The following PHLPP1 variants were observed in gnomAD, a reference collection of about 807,000 sequenced individuals.
PHLPP1 encodes PH domain leucine-rich repeat-containing protein phosphatase 1.
A neutral mutation model predicts 117.2 loss-of-function variants in PHLPP1; 42 were observed. That is an observed-to-expected ratio of 0.36 (90% CI 0.28 to 0.46). PHLPP1 has a LOEUF of 0.46. PHLPP1 is among the 20% of genes least tolerant of loss of function. The pLI is 1.00. For synonymous variants in PHLPP1, 1,042 were observed against 970.7 expected (o/e 1.07, Z -1.37); for missense variants, 2,084 against 2,241.9 (o/e 0.93, Z 1.42).
intron 3 of PHLPP1, among the ~76,000 whole-genome samples, chr18:62,840,608 C>T (rs919944527): frequency 6.6e-6 from 1 of 152,180 alleles, no homozygotes; most frequent in Non-Finnish European, 1.5e-5. Flanking sequence ...ATTGCCTACG[C>T]TCTGCTTTGT....
intron 10 of PHLPP1, among the ~76,000 whole-genome samples, chr18:62,933,093 A>G (rs558999990): frequency 6.6e-6 from 1 of 152,328 alleles, no homozygotes; most frequent in South Asian, 2.1e-4. Context: ...ACTATAAGAC[A>G]CTGATGAAAG....
chr18:62,875,942 A>G (rs1200174231), intron 4 of PHLPP1, among the ~76,000 whole-genome samples: 3 of 152,062 alleles, frequency 2.0e-5, no homozygotes, highest in Non-Finnish European at 4.4e-5. Context: ...CATGTTGGCC[A>G]GGCTGGTCTC....
intron 3 of PHLPP1, among the ~76,000 whole-genome samples, chr18:62,857,957 T>G (rs1472599248): frequency 6.6e-6 from 1 of 152,236 alleles, no homozygotes; most frequent in Non-Finnish European, 1.5e-5. Flanking sequence ...TCCCATCCAC[T>G]TCCTATGAAT....
At chr18:62,719,720 C>G (rs567470485) in intron 1 of PHLPP1, among the ~76,000 whole-genome samples, 1 of 152,006 alleles carries the variant, frequency 6.6e-6, no homozygotes, top group East Asian at 1.9e-4. Context: ...GTTTTGTTTA[C>G]GTATAGTTGG....
chr18:62,942,400 A>T (rs1910155204), intron 11 of PHLPP1, among the ~76,000 whole-genome samples: 2 of 152,128 alleles, frequency 1.3e-5, no homozygotes, highest in Non-Finnish European at 2.9e-5. Context: ...CATTAACCTA[A>T]TAGGGTATGT....
intron 4 of PHLPP1, among the ~76,000 whole-genome samples, chr18:62,872,092 AC>A (rs2144373950): frequency 6.6e-6 from 1 of 152,336 alleles, no homozygotes; most frequent in East Asian, 1.9e-4. Context: ...AACTAAATGG[AC>A]ATAAGGCATT....
intron 1 of PHLPP1, among the ~76,000 whole-genome samples, chr18:62,805,932 T>C (rs906625831): frequency 5.9e-5 from 9 of 152,078 alleles, no homozygotes; most frequent in African/African-American, 2.2e-4. Flanking sequence ...TTTCAAAATA[T>C]TTTTATCTAA....
intron 10 of PHLPP1, among the ~76,000 whole-genome samples, chr18:62,934,796 G>A (rs1599129436): frequency 6.6e-6 from 1 of 152,170 alleles, no homozygotes; most frequent in African/African-American, 2.4e-5. Flanking sequence ...TAAACAAGGT[G>A]TAGCCATATG....
At position 62,716,379 on chromosome 18, in the gene PHLPP1, C is replaced by T; in HGVS notation, c.696C>T (p.Ala232=). 1 of 1,487,526 alleles carries T rather than the reference C, an allele frequency of 6.7e-7. No homozygotes were observed. The highest frequency in any genetic ancestry group is 1.5e-5 in the African/African-American group (1 of 68,840). 92.1% of individuals were successfully genotyped at this position (1,487,526 alleles called of 1,614,324 possible). The change falls in exon 1 of 17, where the codon GCC becomes GCT. Residue 232 remains alanine, a synonymous_variant. Coordinates refer to ENST00000262719, the MANE Select transcript of PHLPP1 (RefSeq NM_194449.4). The surrounding 1 kb of genome is among the most constrained non-coding windows in gnomAD (Gnocchi z 5.7). Reference sequence around the variant, plus strand: ...ACACCACGGCCGGCGAGGTGGCCGCCCGCCTGCTGCAGCTGGGCCACAAAG... The same window carrying T: ...ACACCACGGCCGGCGAGGTGGCCGCTCGCCTGCTGCAGCTGGGCCACAAAG... The part of the protein sequence containing the change: ...TLDTTAGEVA[A]RLLQLGHKGG...
intron 4 of PHLPP1, among the ~76,000 whole-genome samples, chr18:62,877,648 TTCCTTTCTTATAC>T (rs1326900181): frequency 1.3e-5 from 2 of 152,220 alleles, no homozygotes; most frequent in African/African-American, 4.8e-5. Context: ...GAACTGGAAG[TTCCTTTCTTATAC>T]AGCTTTGCTT....
chr18:62,920,884 T>C (rs1025538302), intron 10 of PHLPP1, among the ~76,000 whole-genome samples: 2 of 152,192 alleles, frequency 1.3e-5, no homozygotes, highest in Non-Finnish European at 2.9e-5. Flanking sequence ...AAACAGTCCT[T>C]CTTATCTTTA....
At chr18:62,955,418 T>C (rs1599140571) in intron 12 of PHLPP1, among the ~76,000 whole-genome samples, 2 of 151,388 alleles carry the variant, frequency 1.3e-5, no homozygotes, top group East Asian at 3.9e-4. Context: ...ATACAAGGAG[T>C]ACATTGAGGG....
At position 62,957,610 on chromosome 18, in the gene PHLPP1, G is replaced by T. The variant is rs185177250; in HGVS notation, c.3325-1019G>T. Among the ~76,000 whole-genome samples the T allele has an allele frequency of 9.3e-5, 14 of 151,040 alleles. No individual in the cohort carries two copies. In the East Asian group the frequency reaches 2.7e-3, roughly 29 times the overall value. On this transcript the variant is annotated intron_variant, in intron 12 of 16. Coordinates refer to ENST00000262719, the MANE Select transcript of PHLPP1 (RefSeq NM_194449.4). ...TCTTTTCTTTGTTTTTTGTTTGTTT[G>T]TTTGTTTTCTGTTTTGTTTTGTTTT...
intron 5 of PHLPP1, among the ~76,000 whole-genome samples, chr18:62,895,440 A>G (rs1383465891): frequency 1.3e-5 from 2 of 152,254 alleles, no homozygotes; most frequent in East Asian, 3.8e-4. Context: ...TTTCTGAGTT[A>G]TATTGAATTT....
intron 4 of PHLPP1, among the ~76,000 whole-genome samples, chr18:62,880,894 T>C (rs1916159034): frequency 6.6e-6 from 1 of 152,218 alleles, no homozygotes; most frequent in African/African-American, 2.4e-5. Context: ...GTAATTTACT[T>C]ACTGGACTCA....
At chr18:62,939,471 A>ATAC (rs1202654652) in intron 10 of PHLPP1, among the ~76,000 whole-genome samples, 1 of 152,186 alleles carries the variant, frequency 6.6e-6, no homozygotes, top group African/African-American at 2.4e-5. Context: ...ACTCATAAAA[A>ATAC]TACTCTAAAC....
intron 1 of PHLPP1, among the ~76,000 whole-genome samples, chr18:62,758,773 AAAC>A (rs1490271112): frequency 6.6e-6 from 1 of 152,236 alleles, no homozygotes; most frequent in Non-Finnish European, 1.5e-5. Flanking sequence ...AAACAAAACA[AAAC>A]AAAACAAAAA....
chr18:62,972,586 A>G lies in PHLPP1; in HGVS notation c.3633A>G (p.Gly1211=). The G allele has an allele frequency of 6.2e-7, 1 of 1,614,004 alleles. No homozygotes were observed. Among genetic ancestry groups the G allele is most frequent in the Non-Finnish European group, 8.5e-7 (1 of 1,179,906 alleles). Residue 1211 remains glycine (G), a synonymous_variant, in exon 15 of 17, where the codon GGA becomes GGG. Transcript: ENST00000262719. ...NREALYGVFD[G]DRNVEVPYLL... ...AAGCCCTGTATGGTGTGTTTGACGG[A>G]GACCGGAATGTGGAGGTGCCCTACC...
chr18:62,727,300 T>G (rs1031404784), intron 1 of PHLPP1, among the ~76,000 whole-genome samples: 4 of 151,758 alleles, frequency 2.6e-5, no homozygotes, highest in African/African-American at 9.7e-5. Context: ...AACTGTGTTC[T>G]TTCTTCACTG....
Sources: gnomAD v4.1 joint callset for allele counts (sites outside exome capture counted in the v4.1 genomes callset) on GRCh38, gnomAD v4.1.1 for gene constraint, Gnocchi (gnomAD v3.1) non-coding constraint, MANE v1.5 for transcripts, NCBI Gene and HGNC (gene_info 2026-07-23, HGNC 2026-07-21) for gene names.